CHLSN: variants seen among roughly 807,000 people sequenced by gnomAD.
CHLSN encodes protein cholesin.
chr7:1,107,134 G>C, the CHLSN span, among the ~76,000 whole-genome samples: 1 of 152,304 alleles, frequency 6.6e-6, no homozygotes, highest in Admixed American at 6.5e-5. Flanking sequence ...AGCGGGGAAG[G>C]GAAAGAGCCA....
the CHLSN span, chr7:989,063 AG>A: frequency 1.6e-5 from 7 of 450,752 alleles, no homozygotes; most frequent in Non-Finnish European, 2.3e-5. Context: ...GCCAGCCCCC[AG>A]GAGCGCCTCC....
At chr7:1,062,386 G>A in the CHLSN span, among the ~76,000 whole-genome samples, 2 of 152,128 alleles carry the variant, frequency 1.3e-5, no homozygotes, top group African/African-American at 4.8e-5. Context: ...CGAATTGTAC[G>A]TCTTAATACT....
the CHLSN span, chr7:986,753 G>A: frequency 1.2e-6 from 2 of 1,605,018 alleles, no homozygotes; most frequent in Non-Finnish European, 8.5e-7. Flanking sequence ...GTGCCCGGGG[G>A]ACCCCGTGTG....
the CHLSN span, chr7:1,043,836 C>G: frequency 6.6e-6 from 1 of 152,280 alleles, no homozygotes; most frequent in Non-Finnish European, 1.5e-5. Flanking sequence ...TCCACTCGGC[C>G]CGCAGCTCAC....
chr7:987,171 T>C, the CHLSN span: 11 of 1,569,072 alleles, frequency 7.0e-6, no homozygotes, highest in Admixed American at 3.6e-5. Context: ...GACATGGTCA[T>C]GGCCGGGACG....
chr7:987,050 G>A, the CHLSN span: 2 of 1,441,106 alleles, frequency 1.4e-6, no homozygotes, highest in East Asian at 5.1e-5. Flanking sequence ...GGCTGGGTCT[G>A]TGGGGTGGGG....
the CHLSN span, among the ~76,000 whole-genome samples, chr7:1,084,379 G>A: frequency 2.5e-3 from 388 of 152,318 alleles, 1 homozygote; most frequent in African/African-American, 7.8e-3. Flanking sequence ...TGTGAGACAC[G>A]GCGCACTTCT....
At chr7:1,105,734 C>A in the CHLSN span, among the ~76,000 whole-genome samples, 1 of 152,250 alleles carries the variant, frequency 6.6e-6, no homozygotes, top group Non-Finnish European at 1.5e-5. Flanking sequence ...CCTGCCTCAG[C>A]CTCCTGAGTA....
At chr7:1,103,670 T>C in the CHLSN span, among the ~76,000 whole-genome samples, 2 of 152,244 alleles carry the variant, frequency 1.3e-5, no homozygotes, top group African/African-American at 2.4e-5. Context: ...CACGCTTTCA[T>C]TATGATCGAG....
the CHLSN span, chr7:1,127,498 A>G: frequency 9.5e-7 from 1 of 1,054,030 alleles, no homozygotes; most frequent in East Asian, 2.7e-5. Flanking sequence ...AAAAAAGAGT[A>G]TTATGGAAAA....
At chr7:1,032,837 T>G in the CHLSN span, among the ~76,000 whole-genome samples, 1 of 152,224 alleles carries the variant, frequency 6.6e-6, no homozygotes, top group Non-Finnish European at 1.5e-5. Context: ...ACTGCACGTA[T>G]GTGGGCAGCG....
chr7:1,025,877 C>T, the CHLSN span: 3 of 152,206 alleles, frequency 2.0e-5, no homozygotes, highest in Non-Finnish European at 4.4e-5. Flanking sequence ...CAGTGTCTGG[C>T]ACAGGACAGA....
the CHLSN span, chr7:1,092,152 T>C: frequency 1.2e-6 from 2 of 1,613,534 alleles, no homozygotes; most frequent in Non-Finnish European, 1.7e-6. Flanking sequence ...GGTCAACATG[T>C]ACAGCAGCGT....
the CHLSN span, among the ~76,000 whole-genome samples, chr7:1,053,235 C>A: frequency 6.6e-6 from 1 of 152,262 alleles, no homozygotes; most frequent in Non-Finnish European, 1.5e-5. Context: ...CAGGCTCCCA[C>A]AGAACCCCTC....
chr7:1,021,962 G>T, the CHLSN span, among the ~76,000 whole-genome samples: 1 of 152,130 alleles, frequency 6.6e-6, no homozygotes, highest in Non-Finnish European at 1.5e-5. Flanking sequence ...GATCCTCCGC[G>T]GGGGTGGCAG....
At chr7:1,060,151 C>T in the CHLSN span, among the ~76,000 whole-genome samples, 1 of 152,090 alleles carries the variant, frequency 6.6e-6, no homozygotes, top group South Asian at 2.1e-4. Context: ...TAAAATGTGG[C>T]CGTGAGAAAA....
chr7:1,001,123 C>T, the CHLSN span, among the ~76,000 whole-genome samples: 5 of 152,134 alleles, frequency 3.3e-5, no homozygotes, highest in South Asian at 2.1e-4. Context: ...GCGAAGCTGG[C>T]GCTGTGGGTA....
chr7:1,070,878 GCACA>G, the CHLSN span, among the ~76,000 whole-genome samples: 17 of 140,854 alleles, frequency 1.2e-4, no homozygotes, highest in Non-Finnish European at 2.6e-4. Flanking sequence ...GCGCACACGT[GCACA>G]TGCACACACG....
chr7:1,132,673 A>G, the CHLSN span, among the ~76,000 whole-genome samples: 1 of 150,528 alleles, frequency 6.6e-6, no homozygotes, highest in South Asian at 2.1e-4. Flanking sequence ...CAGCCTGGAC[A>G]ACAGAGTGAG....
Sources: allele counts gnomAD v4.1 joint callset (sites outside exome capture counted in the v4.1 genomes callset), GRCh38; gene constraint gnomAD v4.1.1; transcripts MANE v1.5; gene names NCBI Gene and HGNC (gene_info 2026-07-23, HGNC 2026-07-21).